Variants in DCBLD2 observed in about 807,000 individuals in gnomAD.
DCBLD2 encodes the protein discoidin, CUB and LCCL domain-containing protein 2.
A neutral mutation model predicts 86.8 loss-of-function variants in DCBLD2; 54 were observed. That is an observed-to-expected ratio of 0.62 (90% CI 0.50 to 0.78). DCBLD2 has a LOEUF of 0.78. Among genes scored for constraint, DCBLD2 ranks in the 30% least tolerant of loss-of-function variants. The pLI, the probability that DCBLD2 is intolerant of heterozygous loss-of-function variation, is 0.00. For missense variants in DCBLD2, 908 were observed against 954.2 expected (o/e 0.95, Z 0.64); for synonymous variants, 354 against 341.3 (o/e 1.04, Z -0.41).
chr3:98,853,796 A>T (rs1298246486), intron 2 of DCBLD2, among the ~76,000 whole-genome samples: 1 of 152,236 alleles, frequency 6.6e-6, no homozygotes, highest in Non-Finnish European at 1.5e-5. Flanking sequence ...ATGGAAGCTC[A>T]TTCAACTTCC....
chr3:98,818,932 A>G (rs1942069277), intron 8 of DCBLD2, among the ~76,000 whole-genome samples: 1 of 152,142 alleles, frequency 6.6e-6, no homozygotes, highest in East Asian at 1.9e-4. Context: ...TGATCATGTG[A>G]GTCGATACAC....
At chr3:98,821,320 C>G (rs970192445) in intron 6 of DCBLD2, 2 of 152,130 alleles carry the variant, frequency 1.3e-5, no homozygotes, top group African/African-American at 2.4e-5. Context: ...ATCTAAGAGA[C>G]AAGATTTATA....
chr3:98,852,397 C>A (rs1942856038), intron 2 of DCBLD2, among the ~76,000 whole-genome samples: 1 of 152,100 alleles, frequency 6.6e-6, no homozygotes, highest in Non-Finnish European at 1.5e-5. Flanking sequence ...CAGGCGCACA[C>A]CAACACGCCA....
At chr3:98,825,387 A>C in intron 3 of DCBLD2, 21 bp from the exon 4 acceptor site, 1 of 1,486,796 alleles carries the variant, frequency 6.7e-7, no homozygotes, top group Non-Finnish European at 9.0e-7. Context: ...AAAAATAAAA[A>C]ACTGATTCCA....
Position 98,825,643 on chromosome 3 carries a change from T to TATATATATATATA in DCBLD2, c.572-278_572-277insTATATATATATAT, listed in dbSNP as rs1942202476. On this transcript the variant is annotated intron_variant, in intron 3 of 15. Coordinates refer to ENST00000326840, the MANE Select transcript of DCBLD2 (RefSeq NM_080927.4). ...TACACACATATATGTATATGTGTAT[T>TATATATATATATA]TATATATATATATATATATATATAT... is the stretch of plus-strand genomic sequence containing the variant. Among the ~76,000 whole-genome samples, 93 of 115,082 alleles carry TATATATATATATA rather than the reference T, an allele frequency of 8.1e-4. 2 individuals carry two copies. The highest frequency in any genetic ancestry group is 1.3e-3 in the Non-Finnish European group (72 of 55,926). The allele number at this position is 115,082 out of a possible 152,430, so 75.5% of individuals were successfully genotyped here.
chr3:98,823,661 G>T (rs77989076), intron 4 of DCBLD2, among the ~76,000 whole-genome samples: 1,524 of 152,058 alleles, frequency 0.01, 23 homozygotes, highest in African/African-American at 0.035. Flanking sequence ...TGAAATAACC[G>T]CAAGAAATCT....
chr3:98,827,017 A>G (rs1036580234), intron 3 of DCBLD2, among the ~76,000 whole-genome samples: 1 of 152,200 alleles, frequency 6.6e-6, no homozygotes, highest in Non-Finnish European at 1.5e-5. Context: ...TTACTATTCA[A>G]CTAAAATGTG....
intron 3 of DCBLD2, among the ~76,000 whole-genome samples, chr3:98,838,331 G>A (rs1942524574): frequency 6.3e-5 from 6 of 94,756 alleles, no homozygotes; most frequent in East Asian, 4.4e-4. Context: ...CTTCTCAGAC[G>A]GGGCGGCCGG....
intron 3 of DCBLD2, among the ~76,000 whole-genome samples, chr3:98,839,680 GATAAAACA>G (rs1942584026): frequency 6.6e-6 from 1 of 152,036 alleles, no homozygotes; most frequent in South Asian, 2.1e-4. Context: ...AGGCACCAGA[GATAAAACA>G]AAGAACAACC....
chr3:98,836,548 C>T (rs918502332), intron 3 of DCBLD2, among the ~76,000 whole-genome samples: 28 of 149,302 alleles, frequency 1.9e-4, no homozygotes, highest in Admixed American at 4.0e-4. Context: ...CCACCTTTCC[C>T]GCCTTTCTAT....
intron 1 of DCBLD2, chr3:98,895,210 CTG>C (rs940760682): frequency 6.6e-6 from 1 of 152,198 alleles, no homozygotes; most frequent in African/African-American, 2.4e-5. Flanking sequence ...AGGGACCAGA[CTG>C]TGAAAAAAAT....
chr3:98,839,164 TTTCTTTCCTTTCTTTC>T (rs1559781535), intron 3 of DCBLD2, among the ~76,000 whole-genome samples: 5 of 77,042 alleles, frequency 6.5e-5, no homozygotes, highest in Non-Finnish European at 1.1e-4. Flanking sequence ...TCTTTCTTTC[TTTCTTTCCTTTCTTTC>T]TTCCTTCCTT....
At position 98,849,585 on chromosome 3, in the gene DCBLD2, A is replaced by G; in HGVS notation, c.447T>C (p.Gly149=). Residue 149 remains glycine, a synonymous_variant, in exon 3 of 16, where the codon GGT becomes GGC. Transcript: ENST00000326840. ...VSRTEIGKYC[G]LGLQMNHSIE... is the part of the protein sequence containing the mutation. ...TTGAATGGTTCATTTGCAACCCCAG[A>G]CCACAGTATTTGCCTAGGAATGAAA... 6.2e-7 allele frequency: 1 copy of G among 1,611,102 alleles called. No individual in the cohort carries two copies. The highest frequency in any genetic ancestry group is 8.5e-7 in the Non-Finnish European group (1 of 1,177,542).
At chr3:98,884,164 T>C (rs2107524838) in intron 1 of DCBLD2, among the ~76,000 whole-genome samples, 1 of 152,218 alleles carries the variant, frequency 6.6e-6, no homozygotes, top group Non-Finnish European at 1.5e-5. Flanking sequence ...AGTCTACTTT[T>C]AAAGGTCAGT....
rs546067398 is a variant in DCBLD2 at position 98,874,457 on chromosome 3, A to C, written c.433+7083T>G. Reference sequence around the variant, plus strand: ...ACCCATTAATATAATACACTATACCAATAGATTTAGGTAGAAAAACCATAT... The same window carrying C: ...ACCCATTAATATAATACACTATACCCATAGATTTAGGTAGAAAAACCATAT... On this transcript the variant is annotated intron_variant, in intron 2 of 15. Coordinates refer to ENST00000326840, the MANE Select transcript of DCBLD2 (RefSeq NM_080927.4). Among the ~76,000 whole-genome samples the C allele has an allele frequency of 1.1e-4, 16 of 152,318 alleles. No individual in the cohort carries two copies. In the East Asian group the frequency reaches 3.1e-3, roughly 29 times the overall value.
intron 2 of DCBLD2, among the ~76,000 whole-genome samples, chr3:98,854,746 T>A (rs1168276885): frequency 1.3e-5 from 2 of 152,220 alleles, no homozygotes; most frequent in African/African-American, 4.8e-5. Context: ...TTATTCTTCT[T>A]AAGCAGCAGA....
At chr3:98,879,018 G>A (rs1343910934) in intron 2 of DCBLD2, among the ~76,000 whole-genome samples, 2 of 152,024 alleles carry the variant, frequency 1.3e-5, no homozygotes, top group African/African-American at 4.8e-5. Context: ...TTTGAAACCT[G>A]TGCTCAGAAT....
Position 98,800,720 on chromosome 3 carries a change from C to T in DCBLD2, c.1721-4G>A, listed in dbSNP as rs1941703708. ...TGCTTCATTCCTTTCCACCAACCTT[C>T]ATTGTGACGGCAAGCCAAAGAGACC... On this transcript the variant is annotated splice_region_variant and splice_polypyrimidine_tract_variant and intron_variant, in intron 14 of 15. Coordinates refer to ENST00000326840, the MANE Select transcript of DCBLD2 (RefSeq NM_080927.4). The T allele has an allele frequency of 6.2e-7, 1 of 1,613,924 alleles. No individual in the cohort carries two copies. The highest frequency in any genetic ancestry group is 8.5e-7 in the Non-Finnish European group (1 of 1,179,850).
At chr3:98,822,090 G>A in intron 6 of DCBLD2, 138 bp downstream of exon 6, 2 of 1,044,770 alleles carry the variant, frequency 1.9e-6, no homozygotes, top group Non-Finnish European at 3.0e-6. Flanking sequence ...ACACTAATGT[G>A]AGTGCTTACT....
Sources: allele counts gnomAD v4.1 joint callset (sites outside exome capture counted in the v4.1 genomes callset), GRCh38; gene constraint gnomAD v4.1.1; transcripts MANE v1.5; gene names NCBI Gene and HGNC (gene_info 2026-07-23, HGNC 2026-07-21).